The following ATM variants were observed in gnomAD, a reference collection of about 807,000 sequenced individuals.
ATM encodes the protein serine-protein kinase ATM.
A neutral mutation model predicts 387.0 loss-of-function variants in ATM; 308 were observed. That is an observed-to-expected ratio of 0.80 (90% confidence interval 0.73 to 0.87). The LOEUF (loss-of-function observed/expected upper bound fraction) is 0.87, where lower values mean the gene tolerates loss of function less well. Ranked by LOEUF, ATM falls within the 40% of genes least tolerant of loss-of-function variation. The probability of loss-of-function intolerance (pLI) is 0.00; values close to 1 mark genes in which losing one functional copy is unlikely to be tolerated. For synonymous variants in ATM, 1,156 were observed against 1,187.3 expected (o/e 0.97, Z 0.54); for missense variants, 3,312 against 3,560.9 (o/e 0.93, Z 1.78).
intron 56 of ATM, 40 bp downstream of exon 56, chr11:108,336,001 A>G (rs1181339680): frequency 2.7e-6 from 4 of 1,485,196 alleles, no homozygotes; most frequent in African/African-American, 1.4e-5. Flanking sequence ...AAAAACATAT[A>G]AAAGATGCCA....
chr11:108,345,409 T>C (rs2088205398), intron 57 of ATM, among the ~76,000 whole-genome samples: 1 of 152,228 alleles, frequency 6.6e-6, no homozygotes, highest in African/African-American at 2.4e-5. Flanking sequence ...TGCAACCCAA[T>C]GCTGTGATGC....
intron 59 of ATM, among the ~76,000 whole-genome samples, chr11:108,349,061 G>A (rs76877210): frequency 0.021 from 3,209 of 152,252 alleles, 122 homozygotes; most frequent in African/African-American, 0.071. Flanking sequence ...CACATCATCC[G>A]TGATAAAGAG....
intron 39 of ATM, among the ~76,000 whole-genome samples, chr11:108,310,628 T>G (rs927693305): frequency 6.6e-6 from 1 of 152,092 alleles, no homozygotes; most frequent in Non-Finnish European, 1.5e-5. Context: ...AATTTAAGGG[T>G]GATAAATATT....
Position 108,251,935 on chromosome 11 carries a change from G to A in ATM, c.1706G>A (p.Ser569Asn), listed in dbSNP as rs1765592577. The change falls in exon 11 of 63, where the codon AGC becomes AAC. Residue 569 changes from serine to asparagine, a missense_variant. Coordinates refer to ENST00000675843, the MANE Select transcript of ATM (RefSeq NM_000051.4). ...IEQNMCEVNR[S>N]FSLKESIMKW... The stretch of plus-strand genomic sequence containing the variant: ...CAAAATATGTGTGAAGTAAATAGAA[G>A]CTTTTCTTTAAAGGAATCAATAATG... The A allele has an allele frequency of 6.2e-7, 1 of 1,613,668 alleles. No individual in the cohort carries two copies. Among genetic ancestry groups the A allele is most frequent in the African/African-American group, 1.3e-5 (1 of 74,910 alleles).
At position 108,347,385 on chromosome 11, in the gene ATM, T is replaced by C. The variant is rs1057521774; in HGVS notation, c.8671+20T>C. 2.0e-6 allele frequency: 3 copies of C among 1,531,880 alleles called. No individual in the cohort carries two copies. Among genetic ancestry groups the C allele is most frequent in the African/African-American group, 1.4e-5 (1 of 73,264 alleles). 94.9% of individuals were successfully genotyped at this position (1,531,880 alleles called of 1,614,324 possible). On this transcript the variant is annotated intron_variant, in intron 59 of 62. Transcript: ENST00000675843. ...ATCTAGGTAAGTAATAAAATCTATG[T>C]ATCTATTCTTTTTAGTAAATATTTG...
intron 61 of ATM, among the ~76,000 whole-genome samples, chr11:108,362,802 G>T (rs1350754529): frequency 5.7e-5 from 7 of 122,974 alleles, no homozygotes; most frequent in African/African-American, 2.2e-4. Flanking sequence ...ACTGTGGTGG[G>T]GTGGGGGGCG....
chr11:108,233,711 G>A (rs969635410), intron 4 of ATM, among the ~76,000 whole-genome samples: 5 of 152,160 alleles, frequency 3.3e-5, no homozygotes, highest in South Asian at 2.1e-4. Flanking sequence ...GCTGAGTGTA[G>A]TGGTGCTTGC....
At chr11:108,254,974 A>G (rs2080384059) in intron 13 of ATM, among the ~76,000 whole-genome samples, 1 of 152,168 alleles carries the variant, frequency 6.6e-6, no homozygotes, top group Non-Finnish European at 1.5e-5. Flanking sequence ...TTTTAATTTC[A>G]TAGTACTTAA....
chr11:108,225,952 A>G (rs991685672), intron 1 of ATM: 1 of 152,104 alleles, frequency 6.6e-6, no homozygotes, highest in Non-Finnish European at 1.5e-5. Context: ...AGTAGAATTT[A>G]GATGGATGGA....
chr11:108,347,428 T>G, intron 59 of ATM, 63 bp downstream of exon 59: 1 of 1,320,904 alleles, frequency 7.6e-7, no homozygotes, highest in Non-Finnish European at 1.1e-6. Context: ...TGGAATGTTG[T>G]TTGCCTACCA....
intron 50 of ATM, chr11:108,331,165 C>T (rs1005094175): frequency 2.7e-6 from 3 of 1,123,478 alleles, no homozygotes; most frequent in Non-Finnish European, 2.2e-6. Flanking sequence ...ATTTGTCTTC[C>T]TTAGATTTTT....
intron 45 of ATM, among the ~76,000 whole-genome samples, chr11:108,322,508 A>G (rs770500736): frequency 2.6e-5 from 4 of 152,156 alleles, no homozygotes; most frequent in Non-Finnish European, 5.9e-5. Flanking sequence ...CATTCAGTGG[A>G]TAGTGGATGT....
At chr11:108,305,210 A>AC (rs1306161763) in intron 37 of ATM, among the ~76,000 whole-genome samples, 1 of 152,196 alleles carries the variant, frequency 6.6e-6, no homozygotes, top group African/African-American at 2.4e-5. Flanking sequence ...AACAAACACA[A>AC]TCAGATATTT....
At chr11:108,291,672 T>C (rs1367921860) in intron 29 of ATM, among the ~76,000 whole-genome samples, 1 of 152,212 alleles carries the variant, frequency 6.6e-6, no homozygotes, top group Non-Finnish European at 1.5e-5. Context: ...GTTTAGATAG[T>C]GTTTGATAGA....
intron 17 of ATM, among the ~76,000 whole-genome samples, chr11:108,267,770 C>T (rs931082853): frequency 2.0e-5 from 3 of 152,044 alleles, no homozygotes; most frequent in African/African-American, 4.8e-5. Flanking sequence ...AGCAGGAGAA[C>T]GGCATGAACC....
At chr11:108,254,070 A>G (rs2135372867) in intron 13 of ATM, 31 bp downstream of exon 13, 2 of 1,597,964 alleles carry the variant, frequency 1.3e-6, no homozygotes, top group Non-Finnish European at 1.7e-6. Flanking sequence ...AACTAAGCTT[A>G]TATATGATTC....
rs1353660270 is a variant in ATM, at chr11:108,339,355, C to T, written c.8268+3394C>T. On this transcript the variant is annotated intron_variant, in intron 56 of 62. Coordinates refer to ENST00000675843, the MANE Select transcript of ATM (RefSeq NM_000051.4). ...CTTGTGCCAATAAATAATTTTTATT[C>T]CTTGTCATGCATATTTCAGAGCATC... is the stretch of plus-strand genomic sequence containing the variant. 2.0e-5 allele frequency among the ~76,000 whole-genome samples: 3 copies of T among 152,214 alleles called. No individual in the cohort carries two copies. In the East Asian group the frequency reaches 5.8e-4, roughly 29 times the overall value.
chr11:108,225,163 T>TC (rs1203789298), intron 1 of ATM: 1 of 152,236 alleles, frequency 6.6e-6, no homozygotes, highest in Non-Finnish European at 1.5e-5. Context: ...TAAGGTATTT[T>TC]CATTGGTTAG....
chr11:108,335,499 G>C (rs2086741207), intron 55 of ATM, among the ~76,000 whole-genome samples: 1 of 152,180 alleles, frequency 6.6e-6, no homozygotes. Flanking sequence ...CAAAAAGGGA[G>C]AGCATTCTTC....
Sources: gnomAD v4.1 joint callset for allele counts (sites outside exome capture counted in the v4.1 genomes callset) on GRCh38, gnomAD v4.1.1 for gene constraint, MANE v1.5 for transcripts, NCBI Gene and HGNC (gene_info 2026-07-23, HGNC 2026-07-21) for gene names.